CREBBP: variants seen among roughly 807,000 people sequenced by gnomAD.
The protein encoded by CREBBP is CREB-binding protein.
Under a neutral mutation model 265.0 loss-of-function variants are expected in CREBBP, and 19 were observed. That is an observed-to-expected ratio of 0.07 (90% CI 0.05 to 0.11). CREBBP has a LOEUF of 0.11. CREBBP is among the 10% of genes least tolerant of loss of function. CREBBP has a pLI of 1.00. For synonymous variants in CREBBP, 1,457 were observed against 1,223.7 expected, an observed-to-expected ratio of 1.19 and a Z score of -3.98; for missense variants, 2,525 against 3,219.0, an observed-to-expected ratio of 0.78 and a Z score of 5.22.
chr16:3,736,922 CAG>C (rs1455209527), intron 26 of CREBBP, 107 bp from the exon 27 acceptor site: 33 of 1,362,656 alleles, frequency 2.4e-5, no homozygotes, highest in Non-Finnish European at 3.0e-5. Flanking sequence ...CAGAAGTAAC[CAG>C]AGAGAGAGAA....
chr16:3,872,144 T>C (rs1436735104), intron 1 of CREBBP, among the ~76,000 whole-genome samples: 4 of 152,186 alleles, frequency 2.6e-5, no homozygotes, highest in African/African-American at 9.7e-5. Flanking sequence ...AAAATAGCCT[T>C]GCTTCCTAAA....
chr16:3,829,876 C>T (rs1167085891), intron 2 of CREBBP, among the ~76,000 whole-genome samples: 1 of 151,904 alleles, frequency 6.6e-6, no homozygotes, highest in Non-Finnish European at 1.5e-5. Flanking sequence ...ACAGAGATGA[C>T]AGAGATGTTG....
chr16:3,770,519 ATT>A, intron 14 of CREBBP, 49 bp downstream of exon 14: 1 of 1,596,284 alleles, frequency 6.3e-7, no homozygotes, highest in Non-Finnish European at 8.5e-7. Flanking sequence ...TTATGGGAAA[ATT>A]ATCTTCTAAG....
Position 3,739,655 on chromosome 16 carries a change from T to C in CREBBP, c.4203A>G (p.Glu1401=), listed in dbSNP as rs760015335. ...AAAAGCAGACATCCACGCCGTCAAT[T>C]TCCTCAAAAGCAAACAGAGCTTTGG... ...YRTKALFAFE[E]IDGVDVCFFG... Residue 1401 remains glutamate (E), a synonymous_variant, in exon 25 of 31, where the codon GAA becomes GAG. Coordinates refer to ENST00000262367, the MANE Select transcript of CREBBP (RefSeq NM_004380.3). 6.2e-7 allele frequency: 1 copy of C among 1,614,186 alleles called. No homozygotes were observed. Among genetic ancestry groups the C allele is most frequent in the Non-Finnish European group, 8.5e-7 (1 of 1,180,044 alleles).
chr16:3,831,292 T>C (rs913883518), intron 2 of CREBBP, among the ~76,000 whole-genome samples: 1 of 152,164 alleles, frequency 6.6e-6, no homozygotes, highest in East Asian at 1.9e-4. Flanking sequence ...ATAAATCACA[T>C]GTAAAATATA....
At chr16:3,871,174 ATCTCTC>A (rs762999259) in intron 1 of CREBBP, among the ~76,000 whole-genome samples, 130 of 127,460 alleles carry the variant, frequency 1.0e-3, no homozygotes, top group African/African-American at 3.6e-3. Flanking sequence ...CCTTTTAGAG[ATCTCTC>A]TCTCTCTCTC....
chr16:3,760,561 C>T (rs1487761900), intron 16 of CREBBP, among the ~76,000 whole-genome samples: 2 of 151,518 alleles, frequency 1.3e-5, no homozygotes, highest in African/African-American at 4.9e-5. Context: ...CACCACCACG[C>T]CCAGCTGATT....
In CREBBP at chr16:3,729,075, G is replaced by T. The variant is rs776500881; in HGVS notation, c.5972C>A (p.Pro1991Gln). ...GCTCACGGGGGCCATCTGGCTCCCC[G>T]GGGTCCCCATGCCCGTGCGTCCTGG... ...MPPGRTGMGTPGSQMAPVSLN... is the reference protein window; with the variant it reads ...MPPGRTGMGTQGSQMAPVSLN... The change falls in exon 31 of 31, where the codon CCG (proline) becomes CAG (glutamine). Residue 1991 changes from proline to glutamine, a missense_variant. By Grantham distance (76) the Pro-to-Gln change is moderately conservative (BLOSUM62 -1). This residue lies in a region of CREBBP where 275 missense variants were observed against 276.5 expected (regional missense o/e 0.99). Transcript: ENST00000262367. 6.3e-7 allele frequency: 1 copy of T among 1,584,368 alleles called. No individual in the cohort carries two copies.
chr16:3,818,303 CTTTTTTT>C lies in CREBBP; in HGVS notation c.799-7531_799-7525del, dbSNP rs71133660. Among the ~76,000 whole-genome samples the C allele has an allele frequency of 2.0e-3, 214 of 106,430 alleles. 4 individuals carry two copies. The South Asian group carries it at 0.025, about 13-fold the overall frequency. 69.8% of individuals were successfully genotyped at this position (106,430 alleles called of 152,430 possible). A position where few individuals can be genotyped will look rare whatever the true frequency, so the allele number is the denominator to read the frequency against. On this transcript the variant is annotated intron_variant, in intron 2 of 30. Coordinates refer to ENST00000262367, the MANE Select transcript of CREBBP (RefSeq NM_004380.3). ...GAGTTTGATGTTTAGGTTTTCTTTT[CTTTTTTT>C]TTTTTTTTTTTTTTGAGATGGAGTC... is the stretch of plus-strand genomic sequence containing the variant.
intron 2 of CREBBP, among the ~76,000 whole-genome samples, chr16:3,828,360 G>A (rs2054279979): frequency 2.0e-5 from 3 of 152,210 alleles, no homozygotes. Flanking sequence ...CCAAAGTACT[G>A]GGATTACAAG....
At chr16:3,813,536 G>A (rs761853426) in intron 2 of CREBBP, among the ~76,000 whole-genome samples, 3 of 152,078 alleles carry the variant, frequency 2.0e-5, no homozygotes, top group Non-Finnish European at 2.9e-5. Context: ...TAACCAAACC[G>A]CTGAAACATT....
chr16:3,738,469 A>G (rs895364196), intron 26 of CREBBP, 90 bp downstream of exon 26: 14 of 832,504 alleles, frequency 1.7e-5, no homozygotes, highest in Non-Finnish European at 2.4e-5. Context: ...AAAACGCATA[A>G]AACTTAAAAT....
chr16:3,854,597 G>A (rs1248354695), intron 1 of CREBBP, among the ~76,000 whole-genome samples: 1 of 152,202 alleles, frequency 6.6e-6, no homozygotes, highest in Admixed American at 6.5e-5. Context: ...TGGCACGTGA[G>A]GCTATCTTCT....
chr16:3,752,354 T>G (rs957284806), intron 19 of CREBBP, among the ~76,000 whole-genome samples: 1 of 152,206 alleles, frequency 6.6e-6, no homozygotes, highest in Admixed American at 6.5e-5. Flanking sequence ...AATGGAAAAT[T>G]TATGCTTGAC....
rs759697462 is a variant in CREBBP, at chr16:3,770,858, A to G, written c.2592T>C (p.Ala864=). ...TCGTGTGCTGGAGAGATGGCATGCCAGCAGCCGTGGAAGCAGGAGGCGGTG... is the reference window on the plus strand; with the variant it reads ...TCGTGTGCTGGAGAGATGGCATGCCGGCAGCCGTGGAAGCAGGAGGCGGTG... ...HPTPPPASTA[A]GMPSLQHTTP... The change falls in exon 14 of 31, where the codon GCT becomes GCC. Residue 864 remains alanine (A), a synonymous_variant. Transcript: ENST00000262367. 7 of 1,613,906 alleles carry G rather than the reference A, an allele frequency of 4.3e-6. No homozygotes were observed. In the South Asian group the frequency reaches 4.4e-5, roughly 10 times the overall value.
intron 2 of CREBBP, among the ~76,000 whole-genome samples, chr16:3,813,358 G>T (rs1409799868): frequency 3.3e-5 from 5 of 152,144 alleles, no homozygotes; most frequent in African/African-American, 9.7e-5. Flanking sequence ...ACTTAATCTA[G>T]GCAAGATGGT....
At chr16:3,797,015 G>A (rs191212279) in intron 3 of CREBBP, among the ~76,000 whole-genome samples, 38 of 152,266 alleles carry the variant, frequency 2.5e-4, no homozygotes, top group Admixed American at 2.4e-3. Flanking sequence ...TCCTCTCCCA[G>A]GCTGGTGTTC....
chr16:3,860,041 C>G (rs538726285), intron 1 of CREBBP, among the ~76,000 whole-genome samples: 32 of 152,218 alleles, frequency 2.1e-4, no homozygotes, highest in Admixed American at 5.2e-4. Flanking sequence ...GTCTTGAGGA[C>G]TGAGCCCTCA....
intron 2 of CREBBP, among the ~76,000 whole-genome samples, chr16:3,836,002 G>C (rs1263591204): frequency 2.0e-5 from 3 of 152,138 alleles, no homozygotes; most frequent in African/African-American, 7.2e-5. Flanking sequence ...AAAAGAACTA[G>C]TTCATGCCAA....
Sources: allele counts gnomAD v4.1 joint callset (sites outside exome capture counted in the v4.1 genomes callset), GRCh38; gene constraint gnomAD v4.1.1; regional missense constraint gnomAD v4.1.1; transcripts MANE v1.5; gene names NCBI Gene and HGNC (gene_info 2026-07-23, HGNC 2026-07-21).